The following ANK3 variants were observed in gnomAD, a reference collection of about 807,000 sequenced individuals.
ANK3 encodes ankyrin-3.
ANK3 carries 57 observed loss-of-function variants against 370.9 expected under a neutral mutation model. The ratio of observed to expected loss-of-function variants is 0.15; its 90% CI spans 0.12 to 0.19. The LOEUF (loss-of-function observed/expected upper bound fraction) is 0.19. Among genes scored for constraint, ANK3 ranks in the 10% least tolerant of loss-of-function variants. The probability of loss-of-function intolerance (pLI) is 1.00; values close to 1 mark genes in which losing one functional copy is unlikely to be tolerated. For missense variants in ANK3, 4,439 were observed against 5,302.1 expected (o/e 0.84, Z 5.06); for synonymous variants, 1,929 against 1,946.3 (o/e 0.99, Z 0.23).
intron 1 of ANK3, among the ~76,000 whole-genome samples, chr10:60,677,796 A>G (rs1210007013): frequency 6.7e-6 from 1 of 149,856 alleles, no homozygotes. Flanking sequence ...AAAAAAAAAA[A>G]AAAGAAAAGA....
chr10:60,042,729 T>C lies in ANK3; in HGVS notation c.13096A>G (p.Lys4366Glu). Residue 4366 changes from lysine to glutamate, a missense_variant, in exon 43 of 44, where the codon AAA becomes GAA. Lys to Glu is a moderately conservative substitution (Grantham distance 56, BLOSUM62 1). Transcript: ENST00000280772. ...TTCTTTTCCACATGCCGGATTTCTT[T>C]CTTCGTTTTCACCTTAAAACCTTCT... ...QGEGFKVKTKKEIRHVEKKSH... is the reference protein window; with the variant it reads ...QGEGFKVKTKEEIRHVEKKSH... 3 of 1,613,968 alleles carry C rather than the reference T, an allele frequency of 1.9e-6. No individual in the cohort carries two copies. Among genetic ancestry groups the C allele is most frequent in the East Asian group, 2.2e-5 (1 of 44,878 alleles).
At chr10:60,149,005 C>G (rs941360044) in intron 23 of ANK3, among the ~76,000 whole-genome samples, 1 of 152,218 alleles carries the variant, frequency 6.6e-6, no homozygotes. Flanking sequence ...AATCACTGTT[C>G]CCAGGTATAA....
At chr10:60,628,652 C>T (rs1462549614) in intron 1 of ANK3, among the ~76,000 whole-genome samples, 2 of 152,132 alleles carry the variant, frequency 1.3e-5, no homozygotes, top group Non-Finnish European at 2.9e-5. Context: ...TGTATTGCCA[C>T]AATTTCAGAG....
intron 1 of ANK3, among the ~76,000 whole-genome samples, chr10:60,377,516 A>G (rs529643402): frequency 6.6e-6 from 1 of 152,372 alleles, no homozygotes; most frequent in African/African-American, 2.4e-5. Context: ...AGCTTCAGTC[A>G]TGCACCATTA....
At chr10:60,526,895 A>T (rs7906760) in intron 2 of ANK3, among the ~76,000 whole-genome samples, 104,472 of 151,986 alleles carry the variant, frequency 0.69, 36,297 homozygotes, top group South Asian at 0.88. Context: ...ACTCAAGTGA[A>T]CAGCACTAAA....
At chr10:60,526,001 A>T (rs2076461964) in intron 2 of ANK3, among the ~76,000 whole-genome samples, 3 of 152,092 alleles carry the variant, frequency 2.0e-5, no homozygotes, top group African/African-American at 4.8e-5. Flanking sequence ...TTTGAGCCTT[A>T]AAAAAATCTA....
rs564090413 is a variant in ANK3 at position 60,470,926 on chromosome 10, C to G, written c.96+144260G>C. Among the ~76,000 whole-genome samples, 3 of 152,196 alleles carry G rather than the reference C, an allele frequency of 2.0e-5. No individual in the cohort carries two copies. In the South Asian group the frequency reaches 6.2e-4, roughly 32 times the overall value. ...CACATCCCCCAAACAAACCCTTTTT[C>G]TCATATTTTTCCCTGACTTGCAATC... On this transcript the variant is annotated intron_variant, in intron 2 of 43. Coordinates refer to the ANK3 transcript ENST00000373827.
intron 1 of ANK3, among the ~76,000 whole-genome samples, chr10:60,732,993 C>A (rs2080046728): frequency 6.6e-6 from 1 of 151,912 alleles, no homozygotes; most frequent in Non-Finnish European, 1.5e-5. Context: ...GTCCTCGGGC[C>A]CCCCTCTCTC....
At chr10:60,722,299 A>C (rs936975619) in intron 1 of ANK3, among the ~76,000 whole-genome samples, 17 of 152,118 alleles carry the variant, frequency 1.1e-4, no homozygotes, top group Non-Finnish European at 2.4e-4. Context: ...TAAAATTGCC[A>C]GCCAGGTGTG....
At chr10:60,631,457 G>A (rs542573735) in intron 1 of ANK3, among the ~76,000 whole-genome samples, 10 of 152,068 alleles carry the variant, frequency 6.6e-5, no homozygotes, top group African/African-American at 2.4e-4. Flanking sequence ...GCTTGAACCC[G>A]GGAGGCAGAG....
intron 1 of ANK3, among the ~76,000 whole-genome samples, chr10:60,317,588 T>C (rs12782331): frequency 0.1 from 15,430 of 152,192 alleles, 992 homozygotes; most frequent in Non-Finnish European, 0.15. Flanking sequence ...TTAATGCCCA[T>C]AGCATGTCTG....
In ANK3 at chr10:60,072,268, C is replaced by T. The variant is rs754091164; in HGVS notation, c.8613G>A (p.Ser2871=). 1.2e-5 allele frequency: 19 copies of T among 1,614,066 alleles called. No individual in the cohort carries two copies. Among genetic ancestry groups the T allele is most frequent in the South Asian group, 5.5e-5 (5 of 91,074 alleles). Residue 2871 remains serine (S), a synonymous_variant, in exon 37 of 44, where the codon TCG becomes TCA. Coordinates refer to ENST00000280772, the MANE Select transcript of ANK3 (RefSeq NM_020987.5). ...TNNKSQKEKL[S]HVLVHDVREN... is the part of the protein sequence containing the mutation. ...CTCTTACATCATGAACAAGTACATG[C>T]GAAAGTTTTTCTTTCTGAGACTTAT...
intron 23 of ANK3, chr10:60,140,933 A>G: frequency 1.0e-6 from 1 of 985,714 alleles, no homozygotes; most frequent in Non-Finnish European, 1.2e-6. Flanking sequence ...CAGGTAGAGG[A>G]AAAACATTAG....
chr10:60,272,769 C>T (rs2098018422), intron 4 of ANK3, among the ~76,000 whole-genome samples: 1 of 146,614 alleles, frequency 6.8e-6, no homozygotes, highest in Non-Finnish European at 1.5e-5. Flanking sequence ...TGAGCCACCA[C>T]ACCCACCTTT....
intron 24 of ANK3, chr10:60,137,268 C>T (rs1164246882): frequency 6.7e-6 from 2 of 297,330 alleles, no homozygotes; most frequent in Admixed American, 4.7e-5. Flanking sequence ...CATTACAATG[C>T]TAAAGAAAAT....
intron 1 of ANK3, among the ~76,000 whole-genome samples, chr10:60,619,474 A>G (rs548118333): frequency 6.6e-6 from 1 of 152,338 alleles, no homozygotes; most frequent in South Asian, 2.1e-4. Context: ...ATTTAAATAG[A>G]AAATATCTCT....
In ANK3 at chr10:60,301,082, C is replaced by T. The variant is rs1223769746; in HGVS notation, c.115-21443G>A. 8.8e-5 allele frequency among the ~76,000 whole-genome samples: 13 copies of T among 147,106 alleles called. No individual in the cohort carries two copies. The South Asian group carries it at 1.9e-3, about 22-fold the overall frequency. Reference sequence around the variant, plus strand: ...ACTATGCCAAACTCATGTGTATAACCGGGTGGGAGAAAAAAACCAAACAAC... The same window carrying T: ...ACTATGCCAAACTCATGTGTATAACTGGGTGGGAGAAAAAAACCAAACAAC... On this transcript the variant is annotated intron_variant, in intron 1 of 43. Coordinates refer to ENST00000280772, the MANE Select transcript of ANK3 (RefSeq NM_020987.5).
At chr10:60,084,415 AAAATT>A (rs1306376215) in intron 32 of ANK3, 182 bp downstream of exon 32, 6 of 309,314 alleles carry the variant, frequency 1.9e-5, no homozygotes, top group East Asian at 5.8e-5. Flanking sequence ...CAAAAAAAAA[AAAATT>A]AAATTAAATT....
chr10:60,394,693 C>T (rs537922593), upstream of ANK3, among the ~76,000 whole-genome samples: 7 of 152,244 alleles, frequency 4.6e-5, no homozygotes, highest in Non-Finnish European at 1.0e-4. Context: ...TCTGTTTAAC[C>T]CAAAGGAGTA....
Sources: gnomAD v4.1 joint callset for allele counts (sites outside exome capture counted in the v4.1 genomes callset) on GRCh38, gnomAD v4.1.1 for gene constraint, MANE v1.5 for transcripts, NCBI Gene and HGNC (gene_info 2026-07-23, HGNC 2026-07-21) for gene names.